The following CACNB2 variants were observed in gnomAD, a reference collection of about 807,000 sequenced individuals.
CACNB2 encodes the protein voltage-dependent L-type calcium channel subunit beta-2.
A neutral mutation model predicts 73.3 loss-of-function variants in CACNB2; 42 were observed. The observed-to-expected ratio is 0.57, with a 90% confidence interval of 0.45 to 0.74. CACNB2 has a LOEUF of 0.74. CACNB2 is among the 30% of genes least tolerant of loss of function. The pLI is 0.00. For synonymous variants in CACNB2, 348 were observed against 310.3 expected (o/e 1.12, Z -1.28); for missense variants, 940 against 853.0 (o/e 1.10, Z -1.27).
chr10:18,469,993 A>T (rs1472465645), intron 3 of CACNB2, among the ~76,000 whole-genome samples: 1 of 152,100 alleles, frequency 6.6e-6, no homozygotes, highest in Non-Finnish European at 1.5e-5. Flanking sequence ...GATTAATTAT[A>T]CTCATATTTT....
chr10:18,523,986 T>G (rs1029360767), intron 9 of CACNB2, among the ~76,000 whole-genome samples: 1 of 152,148 alleles, frequency 6.6e-6, no homozygotes, highest in Admixed American at 6.5e-5. Flanking sequence ...AGAATCACAT[T>G]CTGGTTAAGT....
intron 3 of CACNB2, among the ~76,000 whole-genome samples, chr10:18,477,562 A>T (rs2048502198): frequency 6.6e-6 from 1 of 152,210 alleles, no homozygotes; most frequent in Non-Finnish European, 1.5e-5. Flanking sequence ...CTTTGCCAAG[A>T]TTAAGGATAT....
chr10:18,385,962 A>G (rs61839228), intron 2 of CACNB2, among the ~76,000 whole-genome samples: 17,207 of 152,230 alleles, frequency 0.11, 1,070 homozygotes, highest in Middle Eastern at 0.18. Context: ...TTATGTACAC[A>G]TTTGTATATA....
chr10:18,502,067 G>T (rs953389843), intron 5 of CACNB2, among the ~76,000 whole-genome samples: 1 of 152,230 alleles, frequency 6.6e-6, no homozygotes. Flanking sequence ...CCAGCACTGG[G>T]AGGCCGAGGC....
intron 3 of CACNB2, among the ~76,000 whole-genome samples, chr10:18,426,246 A>G (rs1333576663): frequency 7.9e-5 from 12 of 152,236 alleles, no homozygotes; most frequent in Non-Finnish European, 7.3e-5. Flanking sequence ...TTACCCATAA[A>G]TAGGAACTAT....
intron 2 of CACNB2, among the ~76,000 whole-genome samples, chr10:18,340,236 A>T (rs954879799): frequency 1.3e-5 from 2 of 152,210 alleles, no homozygotes; most frequent in African/African-American, 4.8e-5. Context: ...TCAATGTTTA[A>T]TGCTGTCTTT....
intron 2 of CACNB2, among the ~76,000 whole-genome samples, chr10:18,158,840 A>G (rs2032244551): frequency 6.6e-6 from 1 of 152,166 alleles, no homozygotes; most frequent in South Asian, 2.1e-4. Context: ...TTTTCAAGAG[A>G]TTGTGCAAGA....
At chr10:18,373,168 G>C (rs1174314809) in intron 2 of CACNB2, among the ~76,000 whole-genome samples, 6 of 152,062 alleles carry the variant, frequency 3.9e-5, no homozygotes, top group Admixed American at 3.9e-4. Context: ...CTGTCAGGAG[G>C]TTGTAAAGAA....
chr10:18,172,793 G>A (rs946056544), intron 2 of CACNB2, among the ~76,000 whole-genome samples: 3 of 152,072 alleles, frequency 2.0e-5, no homozygotes, highest in Non-Finnish European at 4.4e-5. Context: ...GAATTCCCTA[G>A]TCATTATGAA....
intron 3 of CACNB2, among the ~76,000 whole-genome samples, chr10:18,435,700 A>G (rs1048942349): frequency 7.2e-5 from 11 of 152,020 alleles, no homozygotes; most frequent in African/African-American, 2.7e-4. Context: ...GGGTTTCGCC[A>G]TGTTGCCCAG....
intron 2 of CACNB2, among the ~76,000 whole-genome samples, chr10:18,168,800 C>A (rs1444940401): frequency 6.6e-6 from 1 of 152,100 alleles, no homozygotes; most frequent in African/African-American, 2.4e-5. Flanking sequence ...TTTTGAAAAG[C>A]AAATGTATTA....
At chr10:18,224,260 T>A (rs1443574495) in intron 2 of CACNB2, 2 of 151,922 alleles carry the variant, frequency 1.3e-5, no homozygotes, top group Non-Finnish European at 2.9e-5. Context: ...CTCCTTTTTA[T>A]CAGGCTTAAA....
intron 2 of CACNB2, chr10:18,238,361 T>C (rs960443124): frequency 5.9e-5 from 9 of 152,220 alleles, no homozygotes; most frequent in African/African-American, 2.2e-4. Flanking sequence ...GCCCTGATTC[T>C]GTACTGATGA....
intron 2 of CACNB2, among the ~76,000 whole-genome samples, chr10:18,304,675 G>A (rs1489232768): frequency 6.6e-6 from 1 of 152,178 alleles, no homozygotes; most frequent in Non-Finnish European, 1.5e-5. Flanking sequence ...CTGCACAGGC[G>A]ATCATCCTCT....
intron 5 of CACNB2, among the ~76,000 whole-genome samples, chr10:18,503,871 T>C (rs978321480): frequency 6.6e-6 from 1 of 152,164 alleles, no homozygotes; most frequent in African/African-American, 2.4e-5. Context: ...ATGTACACTG[T>C]GAATCTCTGG....
chr10:18,488,937 G>T (rs2049240524), intron 3 of CACNB2, among the ~76,000 whole-genome samples: 1 of 152,096 alleles, frequency 6.6e-6, no homozygotes, highest in African/African-American at 2.4e-5. Context: ...CAGCATTTTG[G>T]GAGGCCAAGG....
In CACNB2 at chr10:18,447,498, T is replaced by C. The variant is rs115076824; in HGVS notation, c.333+45455T>C. 1.6e-3 allele frequency among the ~76,000 whole-genome samples: 237 copies of C among 152,100 alleles called. 1 individual carries two copies. Among genetic ancestry groups the C allele is most frequent in the African/African-American group, 5.4e-3 (224 of 41,472 alleles). ...AGAACTGGCAAAGGCTAAGAAACAG[T>C]GGTCAGGGAGAAGGAGAATTCGGAT... is the stretch of plus-strand genomic sequence containing the variant. On this transcript the variant is annotated intron_variant, in intron 3 of 13. Coordinates refer to ENST00000324631, the MANE Select transcript of CACNB2 (RefSeq NM_201596.3).
At position 18,184,373 on chromosome 10, in the gene CACNB2, A is replaced by G. The variant is rs1439683359; in HGVS notation, c.213+33398A>G. Among the ~76,000 whole-genome samples the G allele has an allele frequency of 2.0e-5, 3 of 152,220 alleles. No homozygotes were observed. In the East Asian group the frequency reaches 5.8e-4, roughly 29 times the overall value. On this transcript the variant is annotated intron_variant, in intron 2 of 13. Coordinates refer to ENST00000324631, the MANE Select transcript of CACNB2 (RefSeq NM_201596.3). Reference sequence around the variant, plus strand: ...TTACTTTTTACTTTATGACAAGTTTAGATTTATCAAATTATTGTGAAGATG... The same window carrying G: ...TTACTTTTTACTTTATGACAAGTTTGGATTTATCAAATTATTGTGAAGATG...
intron 4 of CACNB2, among the ~76,000 whole-genome samples, chr10:18,500,469 G>A (rs1200349979): frequency 6.6e-6 from 1 of 152,148 alleles, no homozygotes; most frequent in Non-Finnish European, 1.5e-5. Context: ...GAAGATTTCT[G>A]TAACAGTACT....
Sources: gnomAD v4.1 joint callset for allele counts (sites outside exome capture counted in the v4.1 genomes callset) on GRCh38, gnomAD v4.1.1 for gene constraint, MANE v1.5 for transcripts, NCBI Gene and HGNC (gene_info 2026-07-23, HGNC 2026-07-21) for gene names.